The following DOCK3 variants were observed in gnomAD, a reference collection of about 807,000 sequenced individuals.
DOCK3 encodes dedicator of cytokinesis protein 3.
A neutral mutation model predicts 265.6 loss-of-function variants in DOCK3; 60 were observed. The ratio of observed to expected loss-of-function variants is 0.23; its 90% CI spans 0.18 to 0.28. The LOEUF (loss-of-function observed/expected upper bound fraction) is 0.28. Among genes scored for constraint, DOCK3 ranks in the 10% least tolerant of loss-of-function variants. The pLI, the probability that DOCK3 is intolerant of heterozygous loss-of-function variation, is 1.00. For synonymous variants in DOCK3, 881 were observed against 938.0 expected, an observed-to-expected ratio of 0.94 and a Z score of 1.11; for missense variants, 1,981 against 2,594.3, an observed-to-expected ratio of 0.76 and a Z score of 5.14.
chr3:50,881,670 C>G (rs563493222), intron 3 of DOCK3, among the ~76,000 whole-genome samples: 14 of 152,244 alleles, frequency 9.2e-5, no homozygotes, highest in Admixed American at 9.2e-4. Flanking sequence ...GAATCAATAT[C>G]GTGAAAATGG....
At position 51,220,707 on chromosome 3, in the gene DOCK3, G is replaced by GTATATA. The variant is rs1480666363; in HGVS notation, c.1253-4941_1253-4940insATATAT. On this transcript the variant is annotated intron_variant, in intron 14 of 52. Transcript: ENST00000266037. ...TATATATGTGTGTGTGTGTGTGTGT[G>GTATATA]TGTATATATATATATATATATATAT... 3.8e-5 allele frequency among the ~76,000 whole-genome samples: 5 copies of GTATATA among 130,446 alleles called. No homozygotes were observed. In the East Asian group the frequency reaches 8.4e-4, roughly 22 times the overall value. 85.6% of individuals were successfully genotyped at this position (130,446 alleles called of 152,430 possible).
At chr3:51,306,742 A>G (rs1211206930) in intron 27 of DOCK3, among the ~76,000 whole-genome samples, 2 of 152,136 alleles carry the variant, frequency 1.3e-5, no homozygotes, top group Non-Finnish European at 2.9e-5. Flanking sequence ...TAGAATTTAT[A>G]TTCGGTGTAC....
intron 2 of DOCK3, among the ~76,000 whole-genome samples, chr3:50,810,758 T>G (rs576092308): frequency 2.0e-5 from 3 of 152,192 alleles, no homozygotes; most frequent in Admixed American, 6.5e-5. Context: ...TTATATGAAG[T>G]TCAAGAATAA....
At chr3:51,343,836 A>G (rs1400186647) in intron 38 of DOCK3, among the ~76,000 whole-genome samples, 1 of 152,224 alleles carries the variant, frequency 6.6e-6, no homozygotes, top group East Asian at 1.9e-4. Flanking sequence ...TAACATGGCC[A>G]TAGCCTAGTC....
chr3:51,094,655 C>CT (rs2082762820), intron 9 of DOCK3, among the ~76,000 whole-genome samples: 1 of 151,350 alleles, frequency 6.6e-6, no homozygotes, highest in African/African-American at 2.4e-5. Context: ...TTTTGTGTCT[C>CT]TATCTCCTTC....
intron 50 of DOCK3, 143 bp from the exon 51 acceptor site, chr3:51,375,605 G>GT: frequency 1.1e-6 from 1 of 883,870 alleles, no homozygotes; most frequent in Non-Finnish European, 1.8e-6. Flanking sequence ...GGGGGTCTCA[G>GT]TATATCTCAA....
rs1199627234 is a variant in DOCK3, at chr3:50,721,039, G to GT, written c.37+45748dup. On this transcript the variant is annotated intron_variant, in intron 1 of 52. Coordinates refer to ENST00000266037, the MANE Select transcript of DOCK3 (RefSeq NM_004947.5). ...GTTCATGTTTTTTGCCTTTTAATGTGTTTTTTTTTGTTTGTTTTTTGCTTG... is the reference window on the plus strand; with the variant it reads ...GTTCATGTTTTTTGCCTTTTAATGTGTTTTTTTTTTGTTTGTTTTTTGCTTG... Among the ~76,000 whole-genome samples, 300 of 149,162 alleles carry GT rather than the reference G, an allele frequency of 2.0e-3. 1 individual carries two copies. Among genetic ancestry groups the GT allele is most frequent in the East Asian group, 0.02 (100 of 5,062 alleles).
chr3:50,790,455 T>C (rs1190514685), intron 2 of DOCK3, among the ~76,000 whole-genome samples: 1 of 148,336 alleles, frequency 6.7e-6, no homozygotes, highest in East Asian at 2.0e-4. Context: ...TTTGAGGTTT[T>C]TGTTTCAATA....
At chr3:51,307,678 T>C (rs768740708) in intron 27 of DOCK3, among the ~76,000 whole-genome samples, 1 of 152,112 alleles carries the variant, frequency 6.6e-6, no homozygotes, top group Non-Finnish European at 1.5e-5. Flanking sequence ...TTAGGCCTTC[T>C]CAGGCCTTCC....
intron 23 of DOCK3, among the ~76,000 whole-genome samples, chr3:51,265,748 A>G (rs1339631120): frequency 6.6e-6 from 1 of 152,210 alleles, no homozygotes; most frequent in African/African-American, 2.4e-5. Context: ...AATATACTGA[A>G]TGGGTAAAAG....
At chr3:50,702,271 G>A (rs1376124937) in intron 1 of DOCK3, among the ~76,000 whole-genome samples, 1 of 151,986 alleles carries the variant, frequency 6.6e-6, no homozygotes, top group Non-Finnish European at 1.5e-5. Flanking sequence ...TTGTCGTAGA[G>A]GTCTTTCATC....
At chr3:51,106,169 G>C (rs2083272055) in intron 9 of DOCK3, among the ~76,000 whole-genome samples, 1 of 152,216 alleles carries the variant, frequency 6.6e-6, no homozygotes, top group Admixed American at 6.5e-5. Flanking sequence ...AACTCTGCAA[G>C]GTGATCTGGC....
At chr3:50,778,998 A>G (rs1002674125) in intron 2 of DOCK3, among the ~76,000 whole-genome samples, 1 of 152,176 alleles carries the variant, frequency 6.6e-6, no homozygotes, top group Non-Finnish European at 1.5e-5. Flanking sequence ...CACGTTTTTT[A>G]CATATATTTA....
chr3:51,132,878 G>A (rs55708856), intron 9 of DOCK3, among the ~76,000 whole-genome samples: 4,273 of 152,136 alleles, frequency 0.028, 241 homozygotes, highest in African/African-American at 0.098. Flanking sequence ...AAAGAACACC[G>A]TCCCCATCCC....
At chr3:50,866,477 CTTT>C (rs35832182) in intron 3 of DOCK3, among the ~76,000 whole-genome samples, 35 of 141,466 alleles carry the variant, frequency 2.5e-4, no homozygotes, top group Admixed American at 2.8e-4. Flanking sequence ...AAGCGAGACT[CTTT>C]TTTTTTTTTT....
chr3:51,111,755 A>G (rs2109844217), intron 9 of DOCK3, among the ~76,000 whole-genome samples: 1 of 152,336 alleles, frequency 6.6e-6, no homozygotes, highest in South Asian at 2.1e-4. Context: ...AAAAGAAACT[A>G]TCAACAGAGT....
intron 12 of DOCK3, among the ~76,000 whole-genome samples, chr3:51,177,905 C>T (rs1431268622): frequency 6.6e-6 from 1 of 151,624 alleles, no homozygotes; most frequent in African/African-American, 2.4e-5. Flanking sequence ...GCAAGATAAT[C>T]ACTTGAACCT....
intron 7 of DOCK3, among the ~76,000 whole-genome samples, chr3:51,079,627 A>G (rs556912523): frequency 5.3e-5 from 8 of 152,238 alleles, no homozygotes; most frequent in Non-Finnish European, 1.0e-4. Context: ...TGCTGGGATT[A>G]CAGGCCTGAA....
At chr3:51,279,082 A>G (rs1363129690) in intron 26 of DOCK3, among the ~76,000 whole-genome samples, 1 of 152,056 alleles carries the variant, frequency 6.6e-6, no homozygotes, top group Non-Finnish European at 1.5e-5. Flanking sequence ...AACCCTGTCT[A>G]CTAAAAATAC....
Sources: gnomAD v4.1 joint callset for allele counts (sites outside exome capture counted in the v4.1 genomes callset) on GRCh38, gnomAD v4.1.1 for gene constraint, MANE v1.5 for transcripts, NCBI Gene and HGNC (gene_info 2026-07-23, HGNC 2026-07-21) for gene names.